BORCS5: variants seen among roughly 807,000 people sequenced by gnomAD.
The protein encoded by BORCS5 is BLOC-1 related complex subunit 5, also known as BLOC-1-related complex subunit 5.
A neutral mutation model predicts 22.1 loss-of-function variants in BORCS5; 17 were observed. The observed-to-expected ratio is 0.77, with a 90% confidence interval of 0.53 to 1.15. The LOEUF is 1.15. Among genes scored for constraint, BORCS5 ranks in the 50% most tolerant of loss-of-function variants. The probability of loss-of-function intolerance (pLI) is 0.00; values close to 1 mark genes in which losing one functional copy is unlikely to be tolerated. For missense variants in BORCS5, 247 were observed against 253.2 expected (o/e 0.98, Z 0.17); for synonymous variants, 117 against 99.8 (o/e 1.17, Z -1.03).
chr12:12,462,526 T>C (rs1943126294), intron 3 of BORCS5, among the ~76,000 whole-genome samples: 2 of 152,226 alleles, frequency 1.3e-5, no homozygotes, highest in Admixed American at 1.3e-4. Context: ...ACCGTTGTTT[T>C]ATTGGTAGAT....
chr12:12,397,269 C>A (rs565256414), intron 2 of BORCS5, among the ~76,000 whole-genome samples: 4 of 152,238 alleles, frequency 2.6e-5, no homozygotes, highest in East Asian at 1.9e-4. Flanking sequence ...TAAACTGATT[C>A]CCCTAGGGTG....
At position 12,380,608 on chromosome 12, in the gene BORCS5, G is replaced by A. The variant is rs142561903; in HGVS notation, c.202+19259G>A. Among the ~76,000 whole-genome samples, 418 of 151,570 alleles carry A rather than the reference G, an allele frequency of 2.8e-3. 14 individuals carry two copies. The highest frequency in any genetic ancestry group is 8.9e-3 in the African/African-American group (367 of 41,312). ...TGTGACCATGTGTTCATGTGAATGT[G>A]TTTTTATTTCTTTTGGGTGGATTCT... On this transcript the variant is annotated intron_variant, in intron 2 of 3. Transcript: ENST00000314565.
At chr12:12,359,362 CTCTTT>C (rs1863222654) in intron 1 of BORCS5, among the ~76,000 whole-genome samples, 1 of 130,360 alleles carries the variant, frequency 7.7e-6, no homozygotes, top group Non-Finnish European at 1.6e-5. Flanking sequence ...TGAGACTTGA[CTCTTT>C]TTTTTTTTTT....
intron 2 of BORCS5, among the ~76,000 whole-genome samples, chr12:12,433,776 C>T (rs1237456455): frequency 6.6e-6 from 1 of 152,166 alleles, no homozygotes; most frequent in African/African-American, 2.4e-5. Context: ...TGTGGAGGAG[C>T]CTAGCAGTGC....
intron 3 of BORCS5, among the ~76,000 whole-genome samples, chr12:12,460,799 A>G (rs904866579): frequency 1.3e-5 from 2 of 152,184 alleles, no homozygotes; most frequent in African/African-American, 4.8e-5. Flanking sequence ...GATTTTTCAG[A>G]TGTCGAAAAA....
chr12:12,462,588 A>C (rs995453751), intron 3 of BORCS5, among the ~76,000 whole-genome samples: 3 of 152,218 alleles, frequency 2.0e-5, no homozygotes, highest in African/African-American at 7.2e-5. Flanking sequence ...CATTTCACAA[A>C]CAGCTTCGTG....
chr12:12,387,230 C>T (rs923388543), intron 2 of BORCS5, among the ~76,000 whole-genome samples: 1 of 151,232 alleles, frequency 6.6e-6, no homozygotes, highest in Admixed American at 6.6e-5. Flanking sequence ...TATGGATATA[C>T]CATAGACTGT....
intron 2 of BORCS5, among the ~76,000 whole-genome samples, chr12:12,422,295 T>C (rs1405365457): frequency 6.6e-6 from 1 of 152,104 alleles, no homozygotes; most frequent in Non-Finnish European, 1.5e-5. Flanking sequence ...TTATTTTTTT[T>C]TTTAAGTGAA....
chr12:12,391,627 A>G (rs1941187576), intron 2 of BORCS5, among the ~76,000 whole-genome samples: 1 of 151,036 alleles, frequency 6.6e-6, no homozygotes, highest in Admixed American at 6.6e-5. Context: ...ACCTCAAATG[A>G]TGCGCCCGCC....
intron 2 of BORCS5, among the ~76,000 whole-genome samples, chr12:12,376,154 A>C (rs1245877639): frequency 1.3e-5 from 2 of 151,946 alleles, no homozygotes; most frequent in Non-Finnish European, 2.9e-5. Context: ...GTCAGTAAGT[A>C]AATATTTATG....
intron 2 of BORCS5, among the ~76,000 whole-genome samples, chr12:12,385,385 A>G (rs1247969621): frequency 6.6e-6 from 1 of 151,514 alleles, no homozygotes; most frequent in Non-Finnish European, 1.5e-5. Context: ...GCTTCCTGCT[A>G]AAGCAGGAAA....
intron 3 of BORCS5, among the ~76,000 whole-genome samples, chr12:12,458,609 C>T (rs1178647739): frequency 2.7e-5 from 4 of 145,666 alleles, no homozygotes; most frequent in South Asian, 2.1e-4. Flanking sequence ...GAGACAGTCT[C>T]GCTCCGTCAC....
intron 2 of BORCS5, among the ~76,000 whole-genome samples, chr12:12,373,713 C>T (rs934708002): frequency 6.6e-6 from 1 of 152,158 alleles, no homozygotes; most frequent in Non-Finnish European, 1.5e-5. Context: ...TGTGGTCAGA[C>T]AGTGCAGGTA....
intron 2 of BORCS5, among the ~76,000 whole-genome samples, chr12:12,362,988 T>C (rs1447937432): frequency 6.6e-6 from 1 of 151,868 alleles, no homozygotes. Flanking sequence ...TGAGGAATAA[T>C]GTGATTCTCT....
chr12:12,465,320 A>T (rs1943180484), intron 3 of BORCS5, among the ~76,000 whole-genome samples: 2 of 152,282 alleles, frequency 1.3e-5, no homozygotes, highest in South Asian at 2.1e-4. Context: ...TTCCCAGAAC[A>T]TAGAGCCAGG....
intron 1 of BORCS5, among the ~76,000 whole-genome samples, chr12:12,359,999 C>T (rs1472409958): frequency 2.0e-5 from 3 of 152,008 alleles, no homozygotes; most frequent in Non-Finnish European, 4.4e-5. Flanking sequence ...AAAGTAAAAA[C>T]AATCTGCCTA....
intron 3 of BORCS5, among the ~76,000 whole-genome samples, chr12:12,440,606 A>AG (rs1555156352): frequency 6.9e-5 from 1 of 14,462 alleles, no homozygotes; most frequent in Admixed American, 5.7e-4. Flanking sequence ...TAGGTCTTTG[A>AG]AAAAAAAAAA....
intron 2 of BORCS5, among the ~76,000 whole-genome samples, chr12:12,429,604 G>T (rs1326684423): frequency 1.3e-5 from 2 of 152,146 alleles, no homozygotes; most frequent in African/African-American, 2.4e-5. Flanking sequence ...TGATTTTGAA[G>T]TTGGCTAGGC....
At chr12:12,392,665 C>T (rs1284833716) in intron 2 of BORCS5, among the ~76,000 whole-genome samples, 1 of 152,092 alleles carries the variant, frequency 6.6e-6, no homozygotes, top group Admixed American at 6.5e-5. Context: ...ATGTGAGACG[C>T]TGTCTGAAAA....
Sources: allele counts gnomAD v4.1 joint callset (sites outside exome capture counted in the v4.1 genomes callset), GRCh38; gene constraint gnomAD v4.1.1; transcripts MANE v1.5; gene names NCBI Gene and HGNC (gene_info 2026-07-23, HGNC 2026-07-21).